The following LOC128706666 variants were observed in gnomAD, a reference collection of about 807,000 sequenced individuals.
the LOC128706666 span, among the ~76,000 whole-genome samples, chr20:10,428,465 T>C: frequency 2.6e-5 from 4 of 152,230 alleles, no homozygotes; most frequent in African/African-American, 9.6e-5. Flanking sequence ...AGATAACCTA[T>C]TGGCCAGAGG....
At chr20:10,419,660 G>GT in the LOC128706666 span, among the ~76,000 whole-genome samples, 1 of 152,162 alleles carries the variant, frequency 6.6e-6, no homozygotes. Context: ...GTGAAGTAAA[G>GT]TAACAGTTAC....
chr20:10,420,242 G>C, the LOC128706666 span, among the ~76,000 whole-genome samples: 3 of 152,092 alleles, frequency 2.0e-5, no homozygotes, highest in African/African-American at 7.2e-5. Flanking sequence ...ATATGTAATG[G>C]TAAGGAGTCA....
At chr20:10,433,650 G>C in the LOC128706666 span, among the ~76,000 whole-genome samples, 1 of 152,172 alleles carries the variant, frequency 6.6e-6, no homozygotes, top group African/African-American at 2.4e-5. Context: ...TCACGTAGCT[G>C]GCAGGGCCAC....
At chr20:10,433,032 G>C in the LOC128706666 span, among the ~76,000 whole-genome samples, 12 of 152,164 alleles carry the variant, frequency 7.9e-5, no homozygotes, top group Admixed American at 7.9e-4. Flanking sequence ...TTCTTAAATA[G>C]AGTCTCTGTC....
chr20:10,419,094 A>C, the LOC128706666 span, among the ~76,000 whole-genome samples: 5 of 152,176 alleles, frequency 3.3e-5, no homozygotes, highest in Non-Finnish European at 7.4e-5. Flanking sequence ...TAATTATACC[A>C]AAAGTCAAAA....
chr20:10,423,369 CTGAGA>C, the LOC128706666 span, among the ~76,000 whole-genome samples: 4 of 152,176 alleles, frequency 2.6e-5, no homozygotes, highest in Admixed American at 2.0e-4. Flanking sequence ...CTGCGGTGAG[CTGAGA>C]TAACACCATT....
At chr20:10,423,754 A>G in the LOC128706666 span, among the ~76,000 whole-genome samples, 1 of 152,316 alleles carries the variant, frequency 6.6e-6, no homozygotes, top group Admixed American at 6.5e-5. Flanking sequence ...TTCCATTAGG[A>G]TAACTTAAGG....
chr20:10,427,034 A>ACACACAGG, the LOC128706666 span, among the ~76,000 whole-genome samples: 1 of 40,976 alleles, frequency 2.4e-5, no homozygotes, highest in East Asian at 3.2e-4. Flanking sequence ...ACACTGACAC[A>ACACACAGG]CACACACACA....
At chr20:10,431,413 G>C in the LOC128706666 span, among the ~76,000 whole-genome samples, 2 of 152,052 alleles carry the variant, frequency 1.3e-5, no homozygotes, top group African/African-American at 2.4e-5. Flanking sequence ...ACTAGCCTCA[G>C]GGGGGAACTA....
the LOC128706666 span, among the ~76,000 whole-genome samples, chr20:10,427,081 A>ACACACAC: frequency 1.2e-5 from 1 of 85,700 alleles, no homozygotes; most frequent in Admixed American, 1.1e-4. Flanking sequence ...CACACACACA[A>ACACACAC]AGTAAGGTTA....
the LOC128706666 span, among the ~76,000 whole-genome samples, chr20:10,433,279 CA>C: frequency 6.6e-6 from 1 of 152,222 alleles, no homozygotes; most frequent in African/African-American, 2.4e-5. Flanking sequence ...TGCGGGGTTA[CA>C]GGGGTGAGCC....
the LOC128706666 span, among the ~76,000 whole-genome samples, chr20:10,419,117 G>A: frequency 2.0e-5 from 3 of 152,056 alleles, no homozygotes; most frequent in Non-Finnish European, 4.4e-5. Flanking sequence ...TCAGACCAAG[G>A]CTTATAAATA....
At chr20:10,428,983 C>T in the LOC128706666 span, among the ~76,000 whole-genome samples, 1 of 152,188 alleles carries the variant, frequency 6.6e-6, no homozygotes, top group African/African-American at 2.4e-5. Context: ...TCCAACCTTC[C>T]ACTCTTAAGG....
chr20:10,431,527 AAAACCAAACCAAACCAAACC>A, the LOC128706666 span, among the ~76,000 whole-genome samples: 40 of 150,844 alleles, frequency 2.7e-4, no homozygotes, highest in East Asian at 9.8e-4. Context: ...ATAGGGTCAA[AAAACCAAACCAAACCAAACC>A]AAACCAAACC....
the LOC128706666 span, among the ~76,000 whole-genome samples, chr20:10,421,783 T>C: frequency 6.6e-6 from 1 of 151,508 alleles, no homozygotes; most frequent in Non-Finnish European, 1.5e-5. Flanking sequence ...TTAAAATATA[T>C]ATATATATAT....
the LOC128706666 span, among the ~76,000 whole-genome samples, chr20:10,428,469 C>A: frequency 6.6e-6 from 1 of 152,196 alleles, no homozygotes. Context: ...AACCTATTGG[C>A]CAGAGGACAT....
chr20:10,420,956 T>C, the LOC128706666 span, among the ~76,000 whole-genome samples: 1 of 152,194 alleles, frequency 6.6e-6, no homozygotes, highest in African/African-American at 2.4e-5. Context: ...GCAGTCAGCC[T>C]TGGGAAACTT....
the LOC128706666 span, among the ~76,000 whole-genome samples, chr20:10,421,030 A>G: frequency 2.6e-5 from 4 of 152,244 alleles, no homozygotes; most frequent in Admixed American, 2.6e-4. Context: ...TGGAAAAGCT[A>G]TATGAATCTT....
the LOC128706666 span, among the ~76,000 whole-genome samples, chr20:10,415,785 A>G: frequency 6.6e-6 from 1 of 152,216 alleles, no homozygotes; most frequent in Non-Finnish European, 1.5e-5. Flanking sequence ...CTTTTCAAAA[A>G]CAGAATGCCA....
Sources: allele counts gnomAD v4.1 joint callset (sites outside exome capture counted in the v4.1 genomes callset), GRCh38; gene constraint gnomAD v4.1.1; transcripts MANE v1.5.